The following RPH3A variants were observed in gnomAD, a reference collection of about 807,000 sequenced individuals.
The protein encoded by RPH3A is rabphilin 3A.
In RPH3A, 48 loss-of-function variants were observed where a neutral mutation model predicts 102.2. The observed-to-expected ratio is 0.47, with a 90% CI of 0.37 to 0.60. RPH3A has a LOEUF of 0.60. RPH3A is among the 20% of genes least tolerant of loss of function. RPH3A has a pLI of 0.00. For missense variants in RPH3A, 781 were observed against 910.1 expected (o/e 0.86, Z 1.83); for synonymous variants, 310 against 324.3 (o/e 0.96, Z 0.47).
intron 1 of RPH3A, among the ~76,000 whole-genome samples, chr12:112,779,770 C>T (rs1485564458): frequency 2.0e-5 from 3 of 152,108 alleles, no homozygotes; most frequent in African/African-American, 7.2e-5. Context: ...CAGAATGTGA[C>T]CTTATTTAGA....
chr12:112,712,756 G>A (rs1366112804), intron 1 of RPH3A, among the ~76,000 whole-genome samples: 2 of 151,942 alleles, frequency 1.3e-5, no homozygotes, highest in Admixed American at 6.6e-5. Context: ...CTGTTGCCCA[G>A]ACTGGAGTGC....
chr12:112,602,061 C>T (rs962873458), intron 1 of RPH3A, among the ~76,000 whole-genome samples: 6 of 152,164 alleles, frequency 3.9e-5, no homozygotes, highest in African/African-American at 1.2e-4. Flanking sequence ...ATTGCTGAGG[C>T]GGGGCACACA....
chr12:112,619,703 G>A (rs759354087), intron 1 of RPH3A, among the ~76,000 whole-genome samples: 1 of 151,994 alleles, frequency 6.6e-6, no homozygotes, highest in Non-Finnish European at 1.5e-5. Flanking sequence ...GCCAACCTTT[G>A]TTATTGTCTT....
chr12:112,793,268 C>T (rs1332344140), intron 2 of RPH3A, among the ~76,000 whole-genome samples: 1 of 152,220 alleles, frequency 6.6e-6, no homozygotes, highest in Non-Finnish European at 1.5e-5. Flanking sequence ...TTTCACTTTG[C>T]TTTCTGCTTT....
At chr12:112,713,272 T>G (rs998897722) in intron 1 of RPH3A, among the ~76,000 whole-genome samples, 38 of 151,906 alleles carry the variant, frequency 2.5e-4, no homozygotes, top group African/African-American at 9.2e-4. Context: ...TAGCCTATTG[T>G]ATTGTCTTGC....
intron 16 of RPH3A, among the ~76,000 whole-genome samples, chr12:112,883,863 AT>A (rs36084571): frequency 0.3 from 45,624 of 152,036 alleles, 8,358 homozygotes; most frequent in East Asian, 0.52. Flanking sequence ...GGATATATAT[AT>A]ATATCCACTT....
At chr12:112,802,527 C>T (rs1268465573) in intron 2 of RPH3A, among the ~76,000 whole-genome samples, 1 of 152,034 alleles carries the variant, frequency 6.6e-6, no homozygotes, top group Non-Finnish European at 1.5e-5. Context: ...CTGGGTCTGC[C>T]TGCTGTGCTG....
At chr12:112,896,146 G>T (rs2043176144) in intron 21 of RPH3A, among the ~76,000 whole-genome samples, 1 of 152,122 alleles carries the variant, frequency 6.6e-6, no homozygotes, top group South Asian at 2.1e-4. Context: ...CAGAAAGCAG[G>T]GTGCAAAAGA....
intron 1 of RPH3A, among the ~76,000 whole-genome samples, chr12:112,645,913 C>T (rs534938942): frequency 2.8e-4 from 42 of 152,076 alleles, no homozygotes; most frequent in Non-Finnish European, 5.4e-4. Flanking sequence ...TACCATCCCA[C>T]GATCAAATCT....
intron 1 of RPH3A, among the ~76,000 whole-genome samples, chr12:112,759,422 G>A (rs2040840244): frequency 6.6e-6 from 1 of 152,148 alleles, no homozygotes; most frequent in South Asian, 2.1e-4. Context: ...TGAACCATAA[G>A]TCATTGGACT....
upstream of RPH3A, chr12:112,791,317 G>A (rs1394332024): frequency 6.6e-6 from 1 of 152,318 alleles, no homozygotes; most frequent in Non-Finnish European, 1.5e-5. Context: ...CAGGACTGGG[G>A]GCGTGTGGGA....
intron 1 of RPH3A, among the ~76,000 whole-genome samples, chr12:112,616,898 G>T (rs1254069775): frequency 6.6e-6 from 1 of 152,222 alleles, no homozygotes; most frequent in East Asian, 1.9e-4. Context: ...TCTCAGCTCA[G>T]CTGGGAGAAC....
At chr12:112,865,302 C>A in intron 5 of RPH3A, 112 bp from the exon 6 acceptor site, 1 of 1,262,390 alleles carries the variant, frequency 7.9e-7, no homozygotes, top group Non-Finnish European at 1.1e-6. Context: ...TGTCATCAGA[C>A]GCACAACAGC....
intron 18 of RPH3A, 37 bp from the exon 19 acceptor site, chr12:112,890,812 C>A (rs896711235): frequency 6.2e-7 from 1 of 1,603,228 alleles, no homozygotes; most frequent in African/African-American, 1.3e-5. Flanking sequence ...TGGCCCCCTC[C>A]CCTCCAAGGC....
chr12:112,856,945 G>A (rs2042421119), intron 5 of RPH3A, among the ~76,000 whole-genome samples: 1 of 152,100 alleles, frequency 6.6e-6, no homozygotes, highest in South Asian at 2.1e-4. Flanking sequence ...AAGCGGCAAA[G>A]TCCAGATATA....
intron 1 of RPH3A, among the ~76,000 whole-genome samples, chr12:112,616,764 C>T (rs912451042): frequency 1.3e-5 from 2 of 152,196 alleles, no homozygotes; most frequent in Non-Finnish European, 2.9e-5. Context: ...AAGTATCCAC[C>T]CAGAGTGATG....
At chr12:112,726,889 GGT>G (rs2040594441) in intron 1 of RPH3A, among the ~76,000 whole-genome samples, 1 of 152,092 alleles carries the variant, frequency 6.6e-6, no homozygotes, top group Admixed American at 6.5e-5. Context: ...TGGGCGTGGT[GGT>G]GCATGCCTGT....
At chr12:112,635,663 T>C (rs2039843269) in intron 1 of RPH3A, among the ~76,000 whole-genome samples, 1 of 152,162 alleles carries the variant, frequency 6.6e-6, no homozygotes, top group African/African-American at 2.4e-5. Flanking sequence ...CCTACCCCTT[T>C]TAGTGATTCC....
At chr12:112,633,991 T>C (rs1210469724) in intron 1 of RPH3A, among the ~76,000 whole-genome samples, 4 of 152,212 alleles carry the variant, frequency 2.6e-5, no homozygotes, top group African/African-American at 9.7e-5. Flanking sequence ...GCAAACACTA[T>C]TCTTCCCTAA....
Sources: gnomAD v4.1 joint callset for allele counts (sites outside exome capture counted in the v4.1 genomes callset) on GRCh38, gnomAD v4.1.1 for gene constraint, MANE v1.5 for transcripts, NCBI Gene and HGNC (gene_info 2026-07-23, HGNC 2026-07-21) for gene names.